The following LCA5L variants were observed in gnomAD, a reference collection of about 807,000 sequenced individuals.
LCA5L encodes lebercilin LCA5 like.
Under a neutral mutation model 45.4 loss-of-function variants are expected in LCA5L, and 35 were observed. That is an observed-to-expected ratio of 0.77 (90% CI 0.59 to 1.02). LCA5L has a LOEUF of 1.02. Among genes scored for constraint, LCA5L ranks in the 50% least tolerant of loss-of-function variants. The pLI is 0.00. For missense variants in LCA5L, 668 were observed against 761.6 expected, an observed-to-expected ratio of 0.88 and a Z score of 1.45; for synonymous variants, 233 against 264.7, an observed-to-expected ratio of 0.88 and a Z score of 1.16.
rs1601737903 is a variant in LCA5L, at chr21:39,413,784, G to T, written c.976-1982C>A. 3 of 152,184 alleles carry T rather than the reference G, an allele frequency of 2.0e-5. No individual in the cohort carries two copies. In the South Asian group the frequency reaches 6.2e-4, roughly 32 times the overall value. 9.4% of individuals were successfully genotyped at this position (152,184 alleles called of 1,614,324 possible). A position where few individuals can be genotyped will look rare whatever the true frequency, so the allele number is the denominator to read the frequency against. On this transcript the variant is annotated intron_variant, in intron 7 of 10. Coordinates refer to ENST00000288350, the MANE Select transcript of LCA5L (RefSeq NM_152505.4). Reference sequence around the variant, plus strand: ...TTAGAATGAGTTTTCATCCACACTGGTTAGGAAACATTTTCATGTTTACAG... The same window carrying T: ...TTAGAATGAGTTTTCATCCACACTGTTTAGGAAACATTTTCATGTTTACAG...
rs115995506 is a variant in LCA5L at position 39,430,220 on chromosome 21, G to T, written c.-91-1009C>A. 3.6e-3 allele frequency among the ~76,000 whole-genome samples: 549 copies of T among 152,232 alleles called. 5 individuals are homozygous for T. Among genetic ancestry groups the T allele is most frequent in the African/African-American group, 0.013 (536 of 41,522 alleles). ...CTCACCTATCTTGGTAAATCCAAATGGCTCAAACAATGGTTGCTAATCCGC... is the reference window on the plus strand; with the variant it reads ...CTCACCTATCTTGGTAAATCCAAATTGCTCAAACAATGGTTGCTAATCCGC... On this transcript the variant is annotated intron_variant, in intron 3 of 10. Transcript: ENST00000288350.
intron 5 of LCA5L, chr21:39,425,746 G>C (rs1019463756): frequency 4.6e-5 from 7 of 152,470 alleles, no homozygotes; most frequent in Admixed American, 1.3e-4. Context: ...CCCCCAACTT[G>C]TAATGTCTTC....
intron 2 of LCA5L, among the ~76,000 whole-genome samples, chr21:39,436,508 G>C (rs1180236139): frequency 6.6e-6 from 1 of 152,108 alleles, no homozygotes; most frequent in African/African-American, 2.4e-5. Context: ...TTGAGATGGA[G>C]TCTCACTGTG....
In LCA5L at chr21:39,406,598, C is replaced by G. The variant is rs2039092975; in HGVS notation, c.1297G>C (p.Glu433Gln). Residue 433 changes from glutamate (E) to glutamine (Q), a missense_variant, in exon 11 of 11, where the codon GAG becomes CAG. Transcript: ENST00000288350. ...AGTATTTGGACTTCCAAATGTTTCT[C>G]TTCCCCTGATAAATCTATATTAGAA... ...KRKYEDLSGE[E>Q]KHLEVQILLE... 3 of 1,580,556 alleles carry G rather than the reference C, an allele frequency of 1.9e-6. No individual in the cohort carries two copies. The highest frequency in any genetic ancestry group is 2.6e-6 in the Non-Finnish European group (3 of 1,167,360).
At chr21:39,411,599 T>G in intron 8 of LCA5L, 119 bp downstream of exon 8, 2 of 503,116 alleles carry the variant, frequency 4.0e-6, no homozygotes, top group Non-Finnish European at 7.2e-6. Context: ...AATCACAAAA[T>G]GTATTTTAAT....
At chr21:39,439,352 T>C (rs1168201784) in intron 2 of LCA5L, among the ~76,000 whole-genome samples, 1 of 152,248 alleles carries the variant, frequency 6.6e-6, no homozygotes, top group East Asian at 1.9e-4. Flanking sequence ...TTCAGACTTC[T>C]GACCTCCAGA....
At position 39,406,205 on chromosome 21, in the gene LCA5L, C is replaced by T; in HGVS notation, c.1690G>A (p.Glu564Lys). 6.2e-7 allele frequency: 1 copy of T among 1,614,250 alleles called. No homozygotes were observed. Among genetic ancestry groups the T allele is most frequent in the Non-Finnish European group, 8.5e-7 (1 of 1,180,044 alleles). ...CTGTCAGAATGCTCTAGCTCCATTT[C>T]CTCTCTGTTACTGAGATGCTTGCCT... is the stretch of plus-strand genomic sequence containing the variant. ...STGKHLSNRE[E>K]MELEHSDSGY... Residue 564 changes from glutamate (E) to lysine (K), a missense_variant, in exon 11 of 11, where the codon GAA (glutamate) becomes AAA (lysine). By Grantham distance (56) the Glu-to-Lys change is moderately conservative. Transcript: ENST00000288350.
chr21:39,419,523 C>CAAAAAAAA (rs5843964), intron 7 of LCA5L, among the ~76,000 whole-genome samples: 1 of 123,542 alleles, frequency 8.1e-6, no homozygotes, highest in Non-Finnish European at 1.6e-5. Flanking sequence ...AGACCCTGTT[C>CAAAAAAAA]AAAAAAAAAA....
intron 2 of LCA5L, among the ~76,000 whole-genome samples, chr21:39,441,170 T>TA (rs938447242): frequency 4.0e-5 from 6 of 150,890 alleles, no homozygotes; most frequent in South Asian, 2.1e-4. Flanking sequence ...ACCCTGTTCC[T>TA]AAAAAAAAAT....
intron 10 of LCA5L, among the ~76,000 whole-genome samples, chr21:39,407,607 G>T (rs2039307328): frequency 1.3e-5 from 2 of 152,214 alleles, no homozygotes; most frequent in Non-Finnish European, 2.9e-5. Flanking sequence ...ATTCCAGGCA[G>T]TTATTATAGA....
chr21:39,424,244 C>A (rs1007600102), intron 5 of LCA5L, among the ~76,000 whole-genome samples: 2 of 152,038 alleles, frequency 1.3e-5, no homozygotes, highest in African/African-American at 4.8e-5. Flanking sequence ...AACTCCTGAC[C>A]CTCAAGTGAT....
At chr21:39,434,020 A>G (rs1323848321) in intron 3 of LCA5L, among the ~76,000 whole-genome samples, 1 of 149,440 alleles carries the variant, frequency 6.7e-6, no homozygotes, top group Non-Finnish European at 1.5e-5. Flanking sequence ...TTACTTGTAC[A>G]TAAATTATAC....
At chr21:39,414,742 C>CTCTCTCTGTGTGTGTGTG (rs1341489035) in intron 7 of LCA5L, among the ~76,000 whole-genome samples, 3 of 99,232 alleles carry the variant, frequency 3.0e-5, no homozygotes, top group African/African-American at 8.8e-5. Flanking sequence ...CTCTCTCTCT[C>CTCTCTCTGTGTGTGTGTG]TGTGTGTGTG....
intron 2 of LCA5L, among the ~76,000 whole-genome samples, chr21:39,440,163 A>G (rs183822726): frequency 6.6e-6 from 1 of 152,264 alleles, no homozygotes; most frequent in Non-Finnish European, 1.5e-5. Context: ...CAATGAGTAC[A>G]CTGTGTACCA....
At chr21:39,432,903 C>T (rs949928781) in intron 3 of LCA5L, among the ~76,000 whole-genome samples, 5 of 152,116 alleles carry the variant, frequency 3.3e-5, no homozygotes, top group African/African-American at 1.2e-4. Flanking sequence ...TATGTATAAA[C>T]CATAATTTGT....
intron 7 of LCA5L, among the ~76,000 whole-genome samples, chr21:39,417,821 G>A (rs753260324): frequency 6.1e-4 from 92 of 151,798 alleles, no homozygotes; most frequent in Middle Eastern, 6.8e-3. Context: ...GCTGGAGTGC[G>A]GTGGCGTGAT....
At position 39,423,509 on chromosome 21, in the gene LCA5L, C is replaced by T. The variant is rs778549969; in HGVS notation, c.323-19G>A. ...TTCTGGCCTGTGTAAGCAGAAAATC[C>T]AGTTTATTACTAGTAAAATATACAG... On this transcript the variant is annotated intron_variant, in intron 5 of 10. Coordinates refer to ENST00000288350, the MANE Select transcript of LCA5L (RefSeq NM_152505.4). The T allele has an allele frequency of 1.8e-5, 28 of 1,524,058 alleles. No homozygotes were observed. Among genetic ancestry groups the T allele is most frequent in the Non-Finnish European group, 2.4e-5 (27 of 1,148,052 alleles). The allele number at this position is 1,524,058 out of a possible 1,614,324, so 94.4% of individuals were successfully genotyped here.
chr21:39,436,956 G>T (rs903535466), intron 2 of LCA5L, among the ~76,000 whole-genome samples: 3 of 152,066 alleles, frequency 2.0e-5, no homozygotes, highest in Admixed American at 2.0e-4. Flanking sequence ...TCCTCAGCCT[G>T]TTTGTAGCCT....
intron 2 of LCA5L, among the ~76,000 whole-genome samples, chr21:39,442,934 C>A (rs533624084): frequency 5.9e-5 from 9 of 152,234 alleles, no homozygotes; most frequent in African/African-American, 1.9e-4. Context: ...AGATGCCGAG[C>A]TTTGAGAATC....
Sources: allele counts gnomAD v4.1 joint callset (sites outside exome capture counted in the v4.1 genomes callset), GRCh38; gene constraint gnomAD v4.1.1; transcripts MANE v1.5; gene names NCBI Gene and HGNC (gene_info 2026-07-23, HGNC 2026-07-21).